MSRA: variants seen among roughly 807,000 people sequenced by gnomAD.
MSRA encodes mitochondrial peptide methionine sulfoxide reductase.
In MSRA, 54 loss-of-function variants were observed where a neutral mutation model predicts 31.3. The ratio of observed to expected loss-of-function variants is 1.73; its 90% CI spans 1.39 to 2.17. The LOEUF is 2.17. Ranked by LOEUF, MSRA falls within the 30% of genes most tolerant of loss-of-function variation. MSRA has a pLI of 0.00. For synonymous variants in MSRA, 169 were observed against 116.5 expected, an observed-to-expected ratio of 1.45 and a Z score of -2.90; for missense variants, 507 against 300.9, an observed-to-expected ratio of 1.69 and a Z score of -5.07.
chr8:10,241,182 C>A (rs1215760853), intron 2 of MSRA, among the ~76,000 whole-genome samples: 1 of 152,040 alleles, frequency 6.6e-6, no homozygotes, highest in South Asian at 2.1e-4. Context: ...TCATTATCAC[C>A]CATGTCATGA....
chr8:10,111,004 C>G (rs899289314), intron 1 of MSRA, among the ~76,000 whole-genome samples: 2 of 152,156 alleles, frequency 1.3e-5, no homozygotes, highest in African/African-American at 4.8e-5. Flanking sequence ...TAGGTTCTGT[C>G]TGACAAGTGT....
At chr8:10,141,264 A>G (rs549599193) in intron 1 of MSRA, among the ~76,000 whole-genome samples, 1 of 152,234 alleles carries the variant, frequency 6.6e-6, no homozygotes, top group Admixed American at 6.5e-5. Context: ...TATAATCCTC[A>G]CATCACCGTC....
chr8:10,118,477 C>G (rs1055070860), intron 1 of MSRA, among the ~76,000 whole-genome samples: 2 of 152,102 alleles, frequency 1.3e-5, no homozygotes, highest in African/African-American at 4.8e-5. Flanking sequence ...CCTGATCCAT[C>G]TCTCCCCTCT....
chr8:10,060,555 A>T (rs1802655226), intron 1 of MSRA, among the ~76,000 whole-genome samples: 1 of 151,738 alleles, frequency 6.6e-6, no homozygotes, highest in Non-Finnish European at 1.5e-5. Context: ...TGAATTACAT[A>T]ACTCCACTTT....
intron 5 of MSRA, among the ~76,000 whole-genome samples, chr8:10,328,595 A>G (rs1211392881): frequency 2.0e-5 from 3 of 151,888 alleles, no homozygotes; most frequent in African/African-American, 7.3e-5. Flanking sequence ...CGGCATCTCT[A>G]CTGTATGTGG....
chr8:10,150,778 A>G (rs985202721), intron 1 of MSRA, among the ~76,000 whole-genome samples: 2 of 152,150 alleles, frequency 1.3e-5, no homozygotes, highest in African/African-American at 2.4e-5. Flanking sequence ...ATTAAAAAGC[A>G]CAGCCTTTTC....
intron 1 of MSRA, among the ~76,000 whole-genome samples, chr8:10,102,483 G>C (rs1379873772): frequency 1.3e-5 from 2 of 152,052 alleles, no homozygotes; most frequent in African/African-American, 4.8e-5. Flanking sequence ...GAGACTTTCT[G>C]TTTTTAAAAT....
chr8:10,272,623 C>G (rs1234207220), intron 3 of MSRA, among the ~76,000 whole-genome samples: 1 of 152,248 alleles, frequency 6.6e-6, no homozygotes, highest in Non-Finnish European at 1.5e-5. Context: ...AGCCAAATGT[C>G]TTGGCACAGT....
At chr8:10,350,218 C>T (rs1358203220) in intron 5 of MSRA, among the ~76,000 whole-genome samples, 1 of 152,264 alleles carries the variant, frequency 6.6e-6, no homozygotes, top group Non-Finnish European at 1.5e-5. Context: ...CACAAAGACA[C>T]CTGCTTTGCA....
At chr8:10,381,360 T>C (rs1030832213) in intron 5 of MSRA, among the ~76,000 whole-genome samples, 5 of 152,156 alleles carry the variant, frequency 3.3e-5, no homozygotes, top group Admixed American at 6.5e-5. Flanking sequence ...CCTGAGTAAT[T>C]AGCCAGGAAG....
intron 3 of MSRA, among the ~76,000 whole-genome samples, chr8:10,245,567 G>C (rs1585261837): frequency 6.6e-6 from 1 of 152,222 alleles, no homozygotes; most frequent in Non-Finnish European, 1.5e-5. Context: ...TGCTCATGTG[G>C]CTAAGGTCAA....
At chr8:10,095,522 G>T in intron 1 of MSRA, 2 of 985,502 alleles carry the variant, frequency 2.0e-6, no homozygotes, top group Admixed American at 6.1e-5. Context: ...CGCCAAGACT[G>T]CTCGGAAGGT....
intron 1 of MSRA, among the ~76,000 whole-genome samples, chr8:10,177,212 G>C (rs1213952022): frequency 6.6e-6 from 1 of 152,198 alleles, no homozygotes; most frequent in East Asian, 1.9e-4. Context: ...TGACTTGGAA[G>C]AGTCTTCACA....
chr8:10,409,438 C>A (rs1172487423), intron 5 of MSRA, among the ~76,000 whole-genome samples: 1 of 152,126 alleles, frequency 6.6e-6, no homozygotes, highest in East Asian at 1.9e-4. Context: ...ACATGGAATT[C>A]TTTTTAGTTA....
intron 4 of MSRA, among the ~76,000 whole-genome samples, chr8:10,311,916 G>GA (rs903215754): frequency 1.3e-5 from 2 of 152,064 alleles, no homozygotes; most frequent in Non-Finnish European, 2.9e-5. Context: ...GAGCTTGCCT[G>GA]AAAAAAACAA....
intron 3 of MSRA, among the ~76,000 whole-genome samples, chr8:10,261,409 T>C (rs1798476708): frequency 6.8e-6 from 1 of 147,214 alleles, no homozygotes; most frequent in Non-Finnish European, 1.5e-5. Context: ...AAAAAAAGAC[T>C]ATAAGGCCAG....
intron 1 of MSRA, among the ~76,000 whole-genome samples, chr8:10,069,582 G>A (rs1490750053): frequency 1.3e-5 from 2 of 152,190 alleles, no homozygotes; most frequent in African/African-American, 4.8e-5. Context: ...TGGTTCCTCT[G>A]GATTGGAGAA....
chr8:10,100,391 G>A (rs1439319336), intron 1 of MSRA, among the ~76,000 whole-genome samples: 1 of 152,124 alleles, frequency 6.6e-6, no homozygotes, highest in Non-Finnish European at 1.5e-5. Flanking sequence ...CTGCAGGAAG[G>A]TACCAAGTCC....
intron 1 of MSRA, among the ~76,000 whole-genome samples, chr8:10,129,007 T>A (rs1374231527): frequency 6.6e-6 from 1 of 152,234 alleles, no homozygotes; most frequent in Non-Finnish European, 1.5e-5. Context: ...CTCTCTTAAT[T>A]TTCTCACGAG....
Sources: gnomAD v4.1 joint callset for allele counts (sites outside exome capture counted in the v4.1 genomes callset) on GRCh38, gnomAD v4.1.1 for gene constraint, MANE v1.5 for transcripts, NCBI Gene and HGNC (gene_info 2026-07-23, HGNC 2026-07-21) for gene names.